Variants in NDUFS4 observed in about 807,000 individuals in gnomAD.
NDUFS4 encodes the protein NADH:ubiquinone oxidoreductase subunit S4.
Under a neutral mutation model 24.3 loss-of-function variants are expected in NDUFS4, and 28 were observed. The observed-to-expected ratio is 1.15, with a 90% CI of 0.85 to 1.58. The LOEUF (loss-of-function observed/expected upper bound fraction) is 1.58, where lower values mean the gene tolerates loss of function less well. Ranked by LOEUF, NDUFS4 falls within the 40% of genes most tolerant of loss-of-function variation. The pLI is 0.00. For synonymous variants in NDUFS4, 93 were observed against 69.7 expected (o/e 1.34, Z -1.67); for missense variants, 223 against 207.9 (o/e 1.07, Z -0.45).
chr5:53,622,586 A>G (rs760797148), intron 2 of NDUFS4, among the ~76,000 whole-genome samples: 1 of 152,080 alleles, frequency 6.6e-6, no homozygotes, highest in Non-Finnish European at 1.5e-5. Context: ...ATACCATCAC[A>G]TTTAGGATTA....
At chr5:53,587,167 A>G (rs1749787355) in intron 1 of NDUFS4, among the ~76,000 whole-genome samples, 1 of 152,064 alleles carries the variant, frequency 6.6e-6, no homozygotes, top group African/African-American at 2.4e-5. Flanking sequence ...CTCCTTCTCT[A>G]TCCCATCTGC....
chr5:53,584,970 G>A (rs886339265), intron 1 of NDUFS4, among the ~76,000 whole-genome samples: 1 of 152,096 alleles, frequency 6.6e-6, no homozygotes, highest in African/African-American at 2.4e-5. Context: ...GTTTCACCAT[G>A]TTGGCCAGGC....
chr5:53,572,387 C>T (rs767710975), intron 1 of NDUFS4, among the ~76,000 whole-genome samples: 3 of 152,068 alleles, frequency 2.0e-5, no homozygotes, highest in Non-Finnish European at 2.9e-5. Flanking sequence ...CTACTTCGGC[C>T]GTTTTTCAGT....
At chr5:53,629,730 T>G (rs181312062) in intron 2 of NDUFS4, among the ~76,000 whole-genome samples, 1 of 152,302 alleles carries the variant, frequency 6.6e-6, no homozygotes, top group Non-Finnish European at 1.5e-5. Flanking sequence ...TCCATTTGTT[T>G]GGTAGATCTT....
At chr5:53,605,740 C>T (rs1158141597) in intron 2 of NDUFS4, among the ~76,000 whole-genome samples, 2 of 152,110 alleles carry the variant, frequency 1.3e-5, no homozygotes, top group South Asian at 2.1e-4. Flanking sequence ...TGAGGTGGGA[C>T]GCAGTGGCTC....
At chr5:53,598,870 A>G (rs545652062) in intron 1 of NDUFS4, among the ~76,000 whole-genome samples, 1 of 152,302 alleles carries the variant, frequency 6.6e-6, no homozygotes, top group South Asian at 2.1e-4. Flanking sequence ...CTTGACCAGT[A>G]ATGGTAATTA....
intron 2 of NDUFS4, among the ~76,000 whole-genome samples, chr5:53,640,697 A>G (rs1751684385): frequency 6.6e-6 from 1 of 152,152 alleles, no homozygotes; most frequent in Non-Finnish European, 1.5e-5. Flanking sequence ...GATCTGCTCC[A>G]ATGACCCAAA....
intron 1 of NDUFS4, among the ~76,000 whole-genome samples, chr5:53,585,483 C>T (rs1238177658): frequency 2.0e-5 from 3 of 152,136 alleles, no homozygotes; most frequent in South Asian, 2.1e-4. Context: ...TGGTGGCTCA[C>T]GCCTGTAATC....
chr5:53,681,323 T>A (rs72753682), intron 4 of NDUFS4, among the ~76,000 whole-genome samples: 14,040 of 152,136 alleles, frequency 0.092, 767 homozygotes, highest in Non-Finnish European at 0.13. Flanking sequence ...GGGAATAATA[T>A]TACTTCATAT....
chr5:53,648,128 G>A (rs1408775450), intron 3 of NDUFS4, among the ~76,000 whole-genome samples: 1 of 152,142 alleles, frequency 6.6e-6, no homozygotes, highest in East Asian at 1.9e-4. Context: ...CACCTAGGTA[G>A]AGTCTTGAGC....
chr5:53,624,195 A>G (rs1751147550), intron 2 of NDUFS4, among the ~76,000 whole-genome samples: 1 of 152,170 alleles, frequency 6.6e-6, no homozygotes, highest in East Asian at 1.9e-4. Flanking sequence ...TTTCTAGGCT[A>G]TTTTATTTCA....
At chr5:53,599,501 AGTTCT>A (rs1345233711) in intron 1 of NDUFS4, among the ~76,000 whole-genome samples, 1 of 152,178 alleles carries the variant, frequency 6.6e-6, no homozygotes, top group African/African-American at 2.4e-5. Context: ...TGCTCTAATT[AGTTCT>A]GTTGAGCATC....
At chr5:53,598,153 G>A (rs1416785663) in intron 1 of NDUFS4, among the ~76,000 whole-genome samples, 2 of 147,702 alleles carry the variant, frequency 1.4e-5, no homozygotes, top group Admixed American at 1.4e-4. Flanking sequence ...TATTGTTGGT[G>A]ACAATGCAAA....
At chr5:53,630,266 C>A (rs1751370530) in intron 2 of NDUFS4, among the ~76,000 whole-genome samples, 1 of 152,118 alleles carries the variant, frequency 6.6e-6, no homozygotes. Context: ...GTCTGATGGG[C>A]TTCCCTTTGT....
intron 1 of NDUFS4, among the ~76,000 whole-genome samples, chr5:53,597,716 A>T (rs944416288): frequency 2.0e-5 from 3 of 152,206 alleles, no homozygotes; most frequent in African/African-American, 7.2e-5. Flanking sequence ...GGATAGGAAG[A>T]CGCTAAGCAT....
At chr5:53,648,809 G>A (rs893737332) in intron 3 of NDUFS4, among the ~76,000 whole-genome samples, 1 of 152,132 alleles carries the variant, frequency 6.6e-6, no homozygotes, top group Non-Finnish European at 1.5e-5. Flanking sequence ...AGGATTAAAA[G>A]CCCCAGTATC....
chr5:53,666,957 G>A (rs1241844979), intron 4 of NDUFS4, among the ~76,000 whole-genome samples: 2 of 151,806 alleles, frequency 1.3e-5, no homozygotes, highest in African/African-American at 2.4e-5. Flanking sequence ...TAAATAAATA[G>A]AAAGAAACAT....
intron 1 of NDUFS4, among the ~76,000 whole-genome samples, chr5:53,565,582 C>T (rs1050051018): frequency 2.0e-5 from 3 of 152,290 alleles, no homozygotes; most frequent in Admixed American, 6.5e-5. Context: ...TTTTAATACC[C>T]TCATCAGTGA....
At chr5:53,619,264 C>G (rs112107954) in intron 2 of NDUFS4, among the ~76,000 whole-genome samples, 2 of 149,780 alleles carry the variant, frequency 1.3e-5, no homozygotes, top group Admixed American at 1.3e-4. Flanking sequence ...AGTTCAAGAC[C>G]AGCTTGGCCA....
Sources: allele counts gnomAD v4.1 joint callset (sites outside exome capture counted in the v4.1 genomes callset), GRCh38; gene constraint gnomAD v4.1.1; transcripts MANE v1.5; gene names NCBI Gene and HGNC (gene_info 2026-07-23, HGNC 2026-07-21).